WNK1: variants seen among roughly 807,000 people sequenced by gnomAD.
WNK1 encodes the protein WNK lysine deficient protein kinase 1.
Under a neutral mutation model 222.8 loss-of-function variants are expected in WNK1, and 38 were observed. The observed-to-expected ratio is 0.17, with a 90% CI of 0.13 to 0.22. WNK1 has a LOEUF of 0.22. Among genes scored for constraint, WNK1 ranks in the 10% least tolerant of loss-of-function variants. WNK1 has a pLI of 1.00. For synonymous variants in WNK1, 1,090 were observed against 1,092.9 expected, an observed-to-expected ratio of 1.00 and a Z score of 0.05; for missense variants, 2,348 against 2,918.4, an observed-to-expected ratio of 0.80 and a Z score of 4.50.
intron 1 of WNK1, among the ~76,000 whole-genome samples, chr12:812,493 A>G (rs1946997392): frequency 6.6e-6 from 1 of 152,174 alleles, no homozygotes; most frequent in African/African-American, 2.4e-5. Flanking sequence ...AGTCAATATA[A>G]TGTTGCCTGT....
intron 2 of WNK1, among the ~76,000 whole-genome samples, chr12:817,323 G>C (rs541977865): frequency 4.6e-5 from 7 of 152,212 alleles, no homozygotes; most frequent in Admixed American, 3.3e-4. Flanking sequence ...GTGACAGAGC[G>C]AGACTCCATC....
intron 8 of WNK1, chr12:868,615 C>G: frequency 1.2e-6 from 2 of 1,614,006 alleles, no homozygotes; most frequent in Non-Finnish European, 1.7e-6. Flanking sequence ...AGAGCAGAAG[C>G]AACTGTGTAT....
intron 1 of WNK1, among the ~76,000 whole-genome samples, chr12:799,786 A>G (rs1945698335): frequency 6.6e-6 from 1 of 151,974 alleles, no homozygotes; most frequent in Non-Finnish European, 1.5e-5. Flanking sequence ...CCGGGTTCAA[A>G]TGATTCTCCT....
Position 753,246 on chromosome 12 carries a change from A to C in WNK1, c.-320A>C, listed in dbSNP as rs1357763357. 1 of 320,406 alleles carries C rather than the reference A, an allele frequency of 3.1e-6. No individual in the cohort carries two copies. Among genetic ancestry groups the C allele is most frequent in the Middle Eastern group, 8.5e-4 (1 of 1,182 alleles). The allele number at this position is 320,406 out of a possible 1,614,324, so 19.8% of individuals were successfully genotyped here. A position where few individuals can be genotyped will look rare whatever the true frequency, so the allele number is the denominator to read the frequency against. ...TCATGACTGCGGCGCCTCTGCTGCCACCGCCCGCCCGGCCGCCGCTCGCCG... is the reference window on the plus strand; with the variant it reads ...TCATGACTGCGGCGCCTCTGCTGCCCCCGCCCGCCCGGCCGCCGCTCGCCG... On this transcript the variant is annotated 5_prime_UTR_variant, in exon 1 of 28. Transcript: ENST00000315939. This position sits in a 1 kb window ranked among gnomAD's most constrained non-coding sequence, Gnocchi z 5.2.
At chr12:882,191 G>A in intron 14 of WNK1, 118 bp downstream of exon 14, 1 of 1,215,642 alleles carries the variant, frequency 8.2e-7, no homozygotes, top group Non-Finnish European at 1.2e-6. Flanking sequence ...CTATCTGTGT[G>A]TGACAGATAA....
intron 1 of WNK1, 149 bp downstream of exon 1, chr12:754,473 G>A (rs1253719080): frequency 1.5e-5 from 14 of 944,454 alleles, no homozygotes; most frequent in Non-Finnish European, 2.0e-5. Flanking sequence ...GCTGAAATTA[G>A]GAGAATGTGG....
chr12:908,757 A>G lies in WNK1; in HGVS notation c.7114A>G (p.Ser2372Gly), dbSNP rs771383347. Reference sequence around the variant, plus strand: ...CATCAGCAATTTGCAGAAATCCATCAGCAACCCCCCAGGCTCCAACCTGCG... The same window carrying G: ...CATCAGCAATTTGCAGAAATCCATCGGCAACCCCCCAGGCTCCAACCTGCG... ...FNISNLQKSI[S>G]NPPGSNLRTT The change falls in exon 28 of 28, where the codon AGC (serine) becomes GGC (glycine). Residue 2372 changes from serine (S) to glycine (G), a missense_variant. Physicochemically the swap from Ser to Gly is moderately conservative, Grantham distance 56. Coordinates refer to ENST00000315939, the MANE Select transcript of WNK1 (RefSeq NM_018979.4). 6.5e-7 allele frequency: 1 copy of G among 1,530,472 alleles called. No homozygotes were observed. The highest frequency in any genetic ancestry group is 1.7e-5 in the Admixed American group (1 of 57,144). 94.8% of individuals were successfully genotyped at this position (1,530,472 alleles called of 1,614,324 possible). A position where few individuals can be genotyped will look rare whatever the true frequency, so the allele number is the denominator to read the frequency against.
chr12:866,510 A>C (rs1037620146), intron 8 of WNK1, among the ~76,000 whole-genome samples: 5 of 152,064 alleles, frequency 3.3e-5, no homozygotes, highest in African/African-American at 1.2e-4. Context: ...CTACAGGCGC[A>C]TGCCACCACA....
rs1276942563 is a variant in WNK1, at chr12:753,574, C to T, written c.9C>T (p.Gly3=). 2.5e-6 allele frequency: 4 copies of T among 1,612,470 alleles called. No homozygotes were observed. Among genetic ancestry groups the T allele is most frequent in the Non-Finnish European group, 1.7e-6 (2 of 1,179,912 alleles). The change falls in exon 1 of 28, where the codon GGC becomes GGT. Residue 3 remains glycine, a synonymous_variant. Coordinates refer to ENST00000315939, the MANE Select transcript of WNK1 (RefSeq NM_018979.4). This position sits in a 1 kb window ranked among gnomAD's most constrained non-coding sequence, Gnocchi z 5.2. ...TCTCCAGCGAACCGACCATGTCTGG[C>T]GGCGCCGCAGAGAAGCAGAGCAGCA... is the stretch of plus-strand genomic sequence containing the variant. MS[G]GAAEKQSSTP...
chr12:792,251 G>C (rs1281016401), intron 1 of WNK1, among the ~76,000 whole-genome samples: 2 of 151,018 alleles, frequency 1.3e-5, no homozygotes, highest in African/African-American at 2.4e-5. Flanking sequence ...CAGAACTACA[G>C]TAGTATATGT....
chr12:766,567 C>T (rs1485780059), intron 1 of WNK1, among the ~76,000 whole-genome samples: 1 of 151,918 alleles, frequency 6.6e-6, no homozygotes, highest in Non-Finnish European at 1.5e-5. Flanking sequence ...CAACCTCCGC[C>T]TCCTGGGTTC....
In WNK1 at chr12:884,796, C is replaced by G; in HGVS notation, c.3992C>G (p.Pro1331Arg). 6.2e-7 allele frequency: 1 copy of G among 1,614,148 alleles called. No individual in the cohort carries two copies. The highest frequency in any genetic ancestry group is 8.5e-7 in the Non-Finnish European group (1 of 1,180,016). ...CCTCCAAACTTTAGTCATACAGGACCAACATTTCCAGTAGTACCTCCTTTC... is the reference window on the plus strand; with the variant it reads ...CCTCCAAACTTTAGTCATACAGGACGAACATTTCCAGTAGTACCTCCTTTC... ...TAPPNFSHTG[P>R]TFPVVPPFLS... Residue 1331 changes from proline to arginine, a missense_variant, in exon 19 of 28, where the codon CCA (proline) becomes CGA (arginine). Coordinates refer to ENST00000315939, the MANE Select transcript of WNK1 (RefSeq NM_018979.4). This position sits in a 1 kb window ranked among gnomAD's most constrained non-coding sequence, Gnocchi z 5.6.
intron 4 of WNK1, among the ~76,000 whole-genome samples, chr12:844,270 G>C (rs1949852127): frequency 6.6e-6 from 1 of 151,890 alleles, no homozygotes; most frequent in South Asian, 2.1e-4. Flanking sequence ...TAACTGGGAG[G>C]GACAATAGGC....
At chr12:772,659 CAGTA>C (rs939327691) in intron 1 of WNK1, among the ~76,000 whole-genome samples, 2 of 151,908 alleles carry the variant, frequency 1.3e-5, no homozygotes, top group African/African-American at 4.8e-5. Flanking sequence ...TTTTAATTCT[CAGTA>C]AGAGAAAATT....
chr12:840,069 G>A (rs1016152495), intron 4 of WNK1, among the ~76,000 whole-genome samples: 2 of 151,718 alleles, frequency 1.3e-5, no homozygotes, highest in African/African-American at 4.8e-5. Context: ...TATGCTTCTT[G>A]GCCAAATTCA....
At chr12:845,470 A>G (rs1017190154) in intron 4 of WNK1, among the ~76,000 whole-genome samples, 1 of 152,094 alleles carries the variant, frequency 6.6e-6, no homozygotes, top group Admixed American at 6.5e-5. Flanking sequence ...TAGATTTAGT[A>G]CTAACTTAGA....
intron 1 of WNK1, among the ~76,000 whole-genome samples, chr12:785,383 G>A (rs921904944): frequency 4.0e-5 from 6 of 149,852 alleles, no homozygotes; most frequent in Admixed American, 6.8e-5. Context: ...ATGGTCTAAC[G>A]TCCATATCAT....
At chr12:817,145 A>G (rs1947418294) in intron 2 of WNK1, among the ~76,000 whole-genome samples, 2 of 152,180 alleles carry the variant, frequency 1.3e-5, no homozygotes, top group African/African-American at 2.4e-5. Flanking sequence ...AAGACAGAAA[A>G]TATTTAAAGA....
In WNK1 at chr12:885,890, G is replaced by A. The variant is rs760615496; in HGVS notation, c.5086G>A (p.Ala1696Thr). The change falls in exon 19 of 28, where the codon GCT (alanine) becomes ACT (threonine). Residue 1696 changes from alanine (A) to threonine (T), a missense_variant. By Grantham distance (58) the Ala-to-Thr change is moderately conservative. Around this residue, in one of 13 missense-constraint regions of WNK1, gnomAD observed 1,144 missense variants for 1,273.6 expected, o/e 0.90. Transcript: ENST00000315939. ...TGTCACACCAGGCATCCCAACTACT[G>A]CTGTTGCACCAAGCAAACTCCTGAC... The part of the protein sequence containing the change: ...STVTPGIPTT[A>T]VAPSKLLTST... The A allele has an allele frequency of 1.4e-5, 22 of 1,610,718 alleles. No individual in the cohort carries two copies. The East Asian group carries it at 3.3e-4, about 24-fold the overall frequency.
Sources: gnomAD v4.1 joint callset for allele counts (sites outside exome capture counted in the v4.1 genomes callset) on GRCh38, gnomAD v4.1.1 for gene constraint, gnomAD v4.1.1 regional missense constraint, Gnocchi (gnomAD v3.1) non-coding constraint, MANE v1.5 for transcripts, NCBI Gene and HGNC (gene_info 2026-07-23, HGNC 2026-07-21) for gene names.